The following ZBTB14 variants were observed in gnomAD, a reference collection of about 807,000 sequenced individuals.
ZBTB14 encodes the protein zinc finger and BTB domain containing 14, also known as zinc finger and BTB domain-containing protein 14.
ZBTB14 carries 8 observed loss-of-function variants against 29.5 expected under a neutral mutation model. The observed-to-expected ratio is 0.27, with a 90% CI of 0.16 to 0.49. The LOEUF (loss-of-function observed/expected upper bound fraction) is 0.49, where lower values mean the gene tolerates loss of function less well. Among genes scored for constraint, ZBTB14 ranks in the 20% least tolerant of loss-of-function variants. The pLI, the probability that ZBTB14 is intolerant of heterozygous loss-of-function variation, is 0.99. For missense variants in ZBTB14, 333 were observed against 563.8 expected (o/e 0.59, Z 4.15); for synonymous variants, 226 against 207.2 (o/e 1.09, Z -0.78).
At chr18:5,296,852 G>C (rs894446369), upstream of ZBTB14, among the ~76,000 whole-genome samples, 1 of 142,086 alleles carries the variant, frequency 7.0e-6, no homozygotes, top group Non-Finnish European at 1.6e-5. Flanking sequence ...TCGATTCGGA[G>C]AGCTCTGATA....
Position 5,291,005 on chromosome 18 carries a change from T to C in ZBTB14, c.1203A>G (p.Ala401=), listed in dbSNP as rs756210521. The change falls in exon 4 of 4, where the codon GCA becomes GCG. Residue 401 remains alanine, a synonymous_variant. Coordinates refer to ENST00000651870, the MANE Select transcript of ZBTB14 (RefSeq NM_001243702.2). The surrounding 1 kb of genome is among the most constrained non-coding windows in gnomAD (Gnocchi z 5.8). ...CGSCTKAFAK[A]SDLKRHENNM... is the part of the protein sequence containing the mutation. ...TGTTCTCGTGCCTTTTCAGATCAGATGCCTTGGCAAATGCCTTGGTGCAGG... is the reference window on the plus strand; with the variant it reads ...TGTTCTCGTGCCTTTTCAGATCAGACGCCTTGGCAAATGCCTTGGTGCAGG... 9 of 1,614,298 alleles carry C rather than the reference T, an allele frequency of 5.6e-6. No individual in the cohort carries two copies. The highest frequency in any genetic ancestry group is 7.6e-6 in the Non-Finnish European group (9 of 1,180,058).
At chr18:5,295,005 C>A (rs1413165618) in intron 1 of ZBTB14, among the ~76,000 whole-genome samples, 1 of 152,166 alleles carries the variant, frequency 6.6e-6, no homozygotes, top group Admixed American at 6.5e-5. Context: ...GTTTGCACTC[C>A]TTCCCAGACA....
At position 5,290,759 on chromosome 18, in the gene ZBTB14, A is replaced by G; in HGVS notation, c.*99T>C. ...TTAAGTCCAGTGAGTACAATGTTCC[A>G]TACGTTTCCACAAAAATATTGTAAC... On this transcript the variant is annotated 3_prime_UTR_variant, in exon 4 of 4. Coordinates refer to ENST00000651870, the MANE Select transcript of ZBTB14 (RefSeq NM_001243702.2). 1 of 1,519,254 alleles carries G rather than the reference A, an allele frequency of 6.6e-7. No homozygotes were observed. The highest frequency in any genetic ancestry group is 8.8e-7 in the Non-Finnish European group (1 of 1,130,802). 94.1% of individuals were successfully genotyped at this position (1,519,254 alleles called of 1,614,324 possible). A position where few individuals can be genotyped will look rare whatever the true frequency, so the allele number is the denominator to read the frequency against.
chr18:5,292,499 T>C (rs987208852), intron 3 of ZBTB14, among the ~76,000 whole-genome samples: 3 of 152,244 alleles, frequency 2.0e-5, no homozygotes, highest in Non-Finnish European at 4.4e-5. Context: ...TGAGTACGTA[T>C]CACTATCCTT....
chr18:5,292,276 T>C (rs1394075878), intron 3 of ZBTB14, 72 bp from the exon 4 acceptor site: 2 of 1,240,218 alleles, frequency 1.6e-6, no homozygotes, highest in East Asian at 5.2e-5. Context: ...CACATTTTCA[T>C]TTCCTGGTCA....
rs190491022 is a variant in ZBTB14, at chr18:5,289,359, G to A, written c.*1499C>T. 1 of 152,102 alleles carries A rather than the reference G, an allele frequency of 6.6e-6. No homozygotes were observed. The highest frequency in any genetic ancestry group is 1.5e-5 in the Non-Finnish European group (1 of 68,022). 9.4% of individuals were successfully genotyped at this position (152,102 alleles called of 1,614,324 possible). ...AAATTTCTTTCACAATAGAATTACA[G>A]GTGTTAATGCAACAAGCTATGAAGT... is the stretch of plus-strand genomic sequence containing the variant. On this transcript the variant is annotated 3_prime_UTR_variant, in exon 4 of 4. Transcript: ENST00000651870.
chr18:5,294,904 G>C (rs2143265148), intron 1 of ZBTB14: 1 of 152,274 alleles, frequency 6.6e-6, no homozygotes, highest in Admixed American at 6.5e-5. Flanking sequence ...AGGAAGCAGG[G>C]AGCCAAGCGC....
intron 2 of ZBTB14, 42 bp from the exon 3 acceptor site, chr18:5,293,369 T>G (rs971592425): frequency 3.0e-6 from 3 of 991,158 alleles, no homozygotes; most frequent in Non-Finnish European, 4.5e-6. Flanking sequence ...AGGATCTTCC[T>G]GTATCCCAAA....
At chr18:5,294,767 G>A (rs974533905) in intron 1 of ZBTB14, 9 of 152,262 alleles carry the variant, frequency 5.9e-5, no homozygotes, top group African/African-American at 2.2e-4. Flanking sequence ...TTACAGTGCA[G>A]GGAGCCGGGC....
At chr18:5,292,273 T>C in intron 3 of ZBTB14, 69 bp from the exon 4 acceptor site, 1 of 1,256,892 alleles carries the variant, frequency 8.0e-7, no homozygotes, top group Non-Finnish European at 1.1e-6. Context: ...AGTCACATTT[T>C]CATTTCCTGG....
rs1429287482 is a variant in ZBTB14, at chr18:5,293,282, C to T, written c.-36G>A. ...GGCTATTATCTTAATGCCTTGAACG[C>T]CAAAATCTTCAGATCAGAGTAACTC... On this transcript the variant is annotated 5_prime_UTR_variant, in exon 3 of 4. Coordinates refer to ENST00000651870, the MANE Select transcript of ZBTB14 (RefSeq NM_001243702.2). The T allele has an allele frequency of 1.1e-5, 17 of 1,612,148 alleles. No individual in the cohort carries two copies. The highest frequency in any genetic ancestry group is 1.7e-5 in the Admixed American group (1 of 59,676).
chr18:5,293,294 G>T lies in ZBTB14; in HGVS notation c.-48C>A. 6.2e-7 allele frequency: 1 copy of T among 1,610,898 alleles called. No homozygotes were observed. The highest frequency in any genetic ancestry group is 8.5e-7 in the Non-Finnish European group (1 of 1,178,048). ...AATGCCTTGAACGCCAAAATCTTCAGATCAGAGTAACTCTGATCAGGAGCA... is the reference window on the plus strand; with the variant it reads ...AATGCCTTGAACGCCAAAATCTTCATATCAGAGTAACTCTGATCAGGAGCA... On this transcript the variant is annotated 5_prime_UTR_variant, in exon 3 of 4. In the 5' UTR this introduces an upstream ATG that the reference lacks. Coordinates refer to ENST00000651870, the MANE Select transcript of ZBTB14 (RefSeq NM_001243702.2).
chr18:5,293,870 G>GT (rs2071876798), intron 2 of ZBTB14, 102 bp downstream of exon 2: 1 of 152,172 alleles, frequency 6.6e-6, no homozygotes, highest in Non-Finnish European at 1.5e-5. Context: ...TAGCATACAC[G>GT]TTTGTTTTTA....
rs914933246 is a variant in ZBTB14 at position 5,289,200 on chromosome 18, A to G, written c.*1658T>C. 2.0e-4 allele frequency: 30 copies of G among 152,228 alleles called. No homozygotes were observed. The highest frequency in any genetic ancestry group is 7.2e-4 in the African/African-American group (30 of 41,450). 9.4% of individuals were successfully genotyped at this position (152,228 alleles called of 1,614,324 possible). Reference sequence around the variant, plus strand: ...AACACAGTGACAGGACTACTTTTAGAACAGAATAAACAACTTTCAAGAAAA... The same window carrying G: ...AACACAGTGACAGGACTACTTTTAGGACAGAATAAACAACTTTCAAGAAAA... On this transcript the variant is annotated 3_prime_UTR_variant, in exon 4 of 4. Transcript: ENST00000651870.
At position 5,289,602 on chromosome 18, in the gene ZBTB14, G is replaced by A. The variant is rs1046768022; in HGVS notation, c.*1256C>T. 1 of 152,070 alleles carries A rather than the reference G, an allele frequency of 6.6e-6. No individual in the cohort carries two copies. Among genetic ancestry groups the A allele is most frequent in the Non-Finnish European group, 1.5e-5 (1 of 67,986 alleles). 9.4% of individuals were successfully genotyped at this position (152,070 alleles called of 1,614,324 possible). ...AATAGAGTTTATAATTCTCATTTAC[G>A]GCTATGAAAAGGCAATCAACTTCTA... On this transcript the variant is annotated 3_prime_UTR_variant, in exon 4 of 4. Coordinates refer to ENST00000651870, the MANE Select transcript of ZBTB14 (RefSeq NM_001243702.2).
At chr18:5,296,899 G>C (rs2143287681), upstream of ZBTB14, 1 of 152,164 alleles carries the variant, frequency 6.6e-6, no homozygotes, top group East Asian at 1.9e-4. Context: ...CTCAGCGCCA[G>C]TAATGGCTCC....
intron 3 of ZBTB14, among the ~76,000 whole-genome samples, 199 bp from the exon 4 acceptor site, chr18:5,292,403 T>C (rs2071837343): frequency 6.6e-6 from 1 of 152,236 alleles, no homozygotes; most frequent in Non-Finnish European, 1.5e-5. Context: ...TCATCTTCAA[T>C]TTACTAAGTA....
At position 5,291,917 on chromosome 18, in the gene ZBTB14, C is replaced by G; in HGVS notation, c.291G>C (p.Lys97Asn). The change falls in exon 4 of 4, where the codon AAG becomes AAC. Residue 97 changes from lysine (K) to asparagine (N), a missense_variant. By Grantham distance (94) the Lys-to-Asn change is moderately conservative. Around this residue, in one of 3 missense-constraint regions of ZBTB14, gnomAD observed 67 missense variants for 157.0 expected, o/e 0.43. Coordinates refer to ENST00000651870, the MANE Select transcript of ZBTB14 (RefSeq NM_001243702.2). The surrounding 1 kb of genome is among the most constrained non-coding windows in gnomAD (Gnocchi z 5.8). The part of the protein sequence containing the change: ...EEVLNYMYTA[K>N]ISVKKEDVNL... Reference sequence around the variant, plus strand: ...TAACATCTTCTTTTTTCACGGAAATCTTTGCTGTGTACATGTAGTTCAGGA... The same window carrying G: ...TAACATCTTCTTTTTTCACGGAAATGTTTGCTGTGTACATGTAGTTCAGGA... The G allele has an allele frequency of 6.2e-7, 1 of 1,614,150 alleles. No homozygotes were observed. Among genetic ancestry groups the G allele is most frequent in the Non-Finnish European group, 8.5e-7 (1 of 1,180,014 alleles).
chr18:5,290,598 A>T lies in ZBTB14; in HGVS notation c.*260T>A, dbSNP rs2071789062. On this transcript the variant is annotated 3_prime_UTR_variant, in exon 4 of 4. Transcript: ENST00000651870. ...CAGGAGTTCTCAAATTAAAATAATA[A>T]AAAAAAAAAAGGGAGAGAGGTGCTT... 11 of 326,888 alleles carry T rather than the reference A, an allele frequency of 3.4e-5. No individual in the cohort carries two copies. The East Asian group carries it at 5.7e-4, about 17-fold the overall frequency. The allele number at this position is 326,888 out of a possible 1,614,324, so 20.2% of individuals were successfully genotyped here. A position where few individuals can be genotyped will look rare whatever the true frequency, so the allele number is the denominator to read the frequency against.
Sources: gnomAD v4.1 joint callset for allele counts (sites outside exome capture counted in the v4.1 genomes callset) on GRCh38, gnomAD v4.1.1 for gene constraint, gnomAD v4.1.1 regional missense constraint, Gnocchi (gnomAD v3.1) non-coding constraint, MANE v1.5 for transcripts, NCBI Gene and HGNC (gene_info 2026-07-23, HGNC 2026-07-21) for gene names.